Variants in COQ5 observed in about 807,000 individuals in gnomAD.
COQ5 encodes the protein 2-methoxy-6-polyprenyl-1,4-benzoquinol methylase, mitochondrial.
COQ5 carries 27 observed loss-of-function variants against 40.5 expected under a neutral mutation model. The ratio of observed to expected loss-of-function variants is 0.67; its 90% CI spans 0.49 to 0.92. The LOEUF is 0.92. Ranked by LOEUF, COQ5 falls within the 40% of genes least tolerant of loss-of-function variation. The pLI, the probability that COQ5 is intolerant of heterozygous loss-of-function variation, is 0.00. For missense variants in COQ5, 409 were observed against 406.4 expected (o/e 1.01, Z -0.06); for synonymous variants, 141 against 150.0 (o/e 0.94, Z 0.44).
chr12:120,518,361 G>A (rs938335752), intron 2 of COQ5, among the ~76,000 whole-genome samples: 4 of 150,950 alleles, frequency 2.6e-5, no homozygotes. Context: ...CCTGGGGGGT[G>A]GAGGTTGCAG....
At chr12:120,514,953 C>T (rs898824347) in intron 3 of COQ5, among the ~76,000 whole-genome samples, 1 of 151,772 alleles carries the variant, frequency 6.6e-6, no homozygotes, top group Admixed American at 6.6e-5. Context: ...TCACCACACC[C>T]AGCTAATTTT....
rs1297236123 is a variant in COQ5 at position 120,526,754 on chromosome 12, G to A, written c.202+2186C>T. 3 of 194,004 alleles carry A rather than the reference G, an allele frequency of 1.5e-5. 1 individual carries two copies. Among genetic ancestry groups the A allele is most frequent in the Non-Finnish European group, 2.7e-5 (3 of 110,238 alleles). The allele number at this position is 194,004 out of a possible 1,614,324, so 12.0% of individuals were successfully genotyped here. A position where few individuals can be genotyped will look rare whatever the true frequency, so the allele number is the denominator to read the frequency against. ...TTTTGAGACAGAGTCTTGCTCTGTC[G>A]CCCAGGCTGGAGTGTAGTGGCAGGA... On this transcript the variant is annotated intron_variant, in intron 1 of 6. Coordinates refer to ENST00000288532, the MANE Select transcript of COQ5 (RefSeq NM_032314.4).
chr12:120,510,949 T>A (rs936893644), intron 3 of COQ5, among the ~76,000 whole-genome samples: 4 of 151,876 alleles, frequency 2.6e-5, no homozygotes, highest in Non-Finnish European at 4.4e-5. Context: ...GGAAAGCAAA[T>A]TAACAGTATC....
chr12:120,528,857 A>G, intron 1 of COQ5, 83 bp downstream of exon 1: 5 of 1,242,134 alleles, frequency 4.0e-6, no homozygotes, highest in Non-Finnish European at 3.6e-6. Flanking sequence ...AACTAATTGG[A>G]TGTTAAATCA....
At chr12:120,522,915 C>G in intron 1 of COQ5, 2 of 697,054 alleles carry the variant, frequency 2.9e-6, no homozygotes, top group Non-Finnish European at 5.1e-6. Flanking sequence ...AGCGTCAGCA[C>G]GTGCACTCGT....
intron 1 of COQ5, chr12:120,522,663 AC>A (rs1869726817): frequency 4.6e-6 from 3 of 656,474 alleles, no homozygotes; most frequent in Middle Eastern, 4.3e-4. Flanking sequence ...AGAGATATCT[AC>A]TCTGAAGCCT....
chr12:120,504,315 T>C (rs1210397681), intron 5 of COQ5, among the ~76,000 whole-genome samples: 1 of 152,014 alleles, frequency 6.6e-6, no homozygotes, highest in African/African-American at 2.4e-5. Flanking sequence ...CCCTGTGGCA[T>C]GTGGGGAGAT....
At chr12:120,526,622 G>A (rs551828413) in intron 1 of COQ5, 1 of 304,210 alleles carries the variant, frequency 3.3e-6, no homozygotes, top group South Asian at 2.8e-5. Context: ...AAAGAAATAT[G>A]GCAATTTGCC....
intron 3 of COQ5, among the ~76,000 whole-genome samples, chr12:120,515,096 T>C (rs983189901): frequency 2.0e-5 from 3 of 151,106 alleles, no homozygotes; most frequent in Non-Finnish European, 4.4e-5. Flanking sequence ...CCTGGCCAAA[T>C]TTGCTTTTTT....
chr12:120,520,023 A>T (rs1869568164), intron 2 of COQ5, among the ~76,000 whole-genome samples: 1 of 152,078 alleles, frequency 6.6e-6, no homozygotes, highest in Admixed American at 6.6e-5. Context: ...GCTACAGATA[A>T]ATATGTTTCA....
chr12:120,510,074 G>C lies in COQ5; in HGVS notation c.624C>G (p.Asp208Glu). The change falls in exon 4 of 7, where the codon GAC becomes GAG. Residue 208 changes from aspartate to glutamate, a missense_variant. Physicochemically the swap from Asp to Glu is conservative, Grantham distance 45. Transcript: ENST00000288532. ...GDAEELPFDDDKFDIYTIAFG... is the reference protein window; with the variant it reads ...GDAEELPFDDEKFDIYTIAFG... ...AGGCAATGGTGTAAATATCAAACTT[G>C]TCATCATCAAAGGGCAGTTCTTCAG... 7 of 1,614,032 alleles carry C rather than the reference G, an allele frequency of 4.3e-6. No individual in the cohort carries two copies. The highest frequency in any genetic ancestry group is 5.9e-6 in the Non-Finnish European group (7 of 1,180,006).
In COQ5 at chr12:120,526,698, ATTTTTTTTTTTT is replaced by A. The variant is rs61584250; in HGVS notation, c.202+2230_202+2241del. ...AATAGTGCTCAAACTACTCTTGGCA[ATTTTTTTTTTTT>A]TTTTTTTTTTTTTTTTTTTTTTGAG... On this transcript the variant is annotated intron_variant, in intron 1 of 6. Coordinates refer to ENST00000288532, the MANE Select transcript of COQ5 (RefSeq NM_032314.4). Among the ~76,000 whole-genome samples the A allele has an allele frequency of 1.8e-3, 115 of 64,144 alleles. 1 individual carries two copies. Among genetic ancestry groups the A allele is most frequent in the African/African-American group, 7.5e-3 (92 of 12,192 alleles). The allele number at this position is 64,144 out of a possible 152,430, so 42.1% of individuals were successfully genotyped here.
At chr12:120,518,343 A>T (rs1400184469) in intron 2 of COQ5, among the ~76,000 whole-genome samples, 1 of 149,292 alleles carries the variant, frequency 6.7e-6, no homozygotes, top group Non-Finnish European at 1.5e-5. Flanking sequence ...TGGGAAGATT[A>T]CTTGAGGCCT....
At chr12:120,508,154 C>A (rs911942541) in intron 4 of COQ5, among the ~76,000 whole-genome samples, 2 of 152,012 alleles carry the variant, frequency 1.3e-5, no homozygotes, top group African/African-American at 4.8e-5. Flanking sequence ...TGCCGCCACG[C>A]CCAGCTAATT....
At chr12:120,518,876 A>G (rs891841624) in intron 2 of COQ5, among the ~76,000 whole-genome samples, 4 of 152,194 alleles carry the variant, frequency 2.6e-5, no homozygotes, top group East Asian at 1.9e-4. Flanking sequence ...ATTTCAATAT[A>G]TTAATTATTT....
chr12:120,520,826 T>G (rs1161340869), intron 2 of COQ5, among the ~76,000 whole-genome samples: 1 of 151,828 alleles, frequency 6.6e-6, no homozygotes, highest in African/African-American at 2.4e-5. Flanking sequence ...CATTTTTCTC[T>G]CCAAATGCTC....
rs1360033258 is a variant in COQ5, at chr12:120,522,324, ACAT to A, written c.239_241del (p.Asp80del). The A allele has an allele frequency of 6.2e-7, 1 of 1,613,648 alleles. No individual in the cohort carries two copies. Among genetic ancestry groups the A allele is most frequent in the Admixed American group, 1.7e-5 (1 of 59,984 alleles). ...ACCAAGACTCATCATATCATTCATCACATCATACTTCTTAGCCACACTTTCAAA... is the reference window on the plus strand; with the variant it reads ...ACCAAGACTCATCATATCATTCATCACATACTTCTTAGCCACACTTTCAAA... On this transcript the variant is annotated inframe_deletion, in exon 2 of 7. Coordinates refer to ENST00000288532, the MANE Select transcript of COQ5 (RefSeq NM_032314.4).
chr12:120,526,621 T>C (rs766141054), intron 1 of COQ5: 8 of 303,574 alleles, frequency 2.6e-5, no homozygotes, highest in African/African-American at 9.1e-5. Flanking sequence ...GAAAGAAATA[T>C]GGCAATTTGC....
intron 1 of COQ5, 42 bp from the exon 2 acceptor site, chr12:120,522,405 T>TAG: frequency 1.2e-6 from 2 of 1,601,152 alleles, no homozygotes; most frequent in Non-Finnish European, 1.7e-6. Flanking sequence ...ATTAACAGAA[T>TAG]TCCCTTAGAA....
Sources: allele counts gnomAD v4.1 joint callset (sites outside exome capture counted in the v4.1 genomes callset), GRCh38; gene constraint gnomAD v4.1.1; transcripts MANE v1.5; gene names NCBI Gene and HGNC (gene_info 2026-07-23, HGNC 2026-07-21).